Variants in WDR72 observed in about 807,000 individuals in gnomAD.
WDR72 encodes the protein WD repeat domain 72.
In WDR72, 120 loss-of-function variants were observed where a neutral mutation model predicts 124.2. The observed-to-expected ratio is 0.97, with a 90% CI of 0.83 to 1.12. WDR72 has a LOEUF of 1.12. WDR72 is among the 50% of genes most tolerant of loss of function. The probability of loss-of-function intolerance (pLI) is 0.00; values close to 1 mark genes in which losing one functional copy is unlikely to be tolerated. For synonymous variants in WDR72, 452 were observed against 441.7 expected (o/e 1.02, Z -0.29); for missense variants, 1,387 against 1,278.8 (o/e 1.08, Z -1.29).
At position 53,714,478 on chromosome 15, in the gene WDR72, C is replaced by T; in HGVS notation, c.547G>A (p.Glu183Lys). The stretch of plus-strand genomic sequence containing the variant: ...GAGGAAAGATCCCATACTTTGAGCT[C>T]ACCAGCTACTGATACCACCAAGAGA... ...DSLLVVSVAG[E>K]LKVWDLSSSI... is the part of the protein sequence containing the mutation. The change falls in exon 6 of 20, where the codon GAG becomes AAG. Residue 183 changes from glutamate (E) to lysine (K), a missense_variant. Glu to Lys is a moderately conservative substitution (Grantham distance 56, BLOSUM62 1). Transcript: ENST00000360509. 2 of 1,613,728 alleles carry T rather than the reference C, an allele frequency of 1.2e-6. No homozygotes were observed. Among genetic ancestry groups the T allele is most frequent in the Non-Finnish European group, 1.7e-6 (2 of 1,179,860 alleles).
chr15:53,730,070 T>C (rs887125509), intron 2 of WDR72, among the ~76,000 whole-genome samples: 1 of 152,140 alleles, frequency 6.6e-6, no homozygotes, highest in Admixed American at 6.5e-5. Context: ...TGTGCACCCA[T>C]GTGTATAGCA....
At chr15:53,588,955 A>C (rs940466240) in intron 18 of WDR72, among the ~76,000 whole-genome samples, 2 of 151,820 alleles carry the variant, frequency 1.3e-5, no homozygotes, top group Non-Finnish European at 2.9e-5. Context: ...AGAAGTCCAT[A>C]GGGAGGTGAT....
chr15:53,572,546 C>T (rs545614846), intron 18 of WDR72, among the ~76,000 whole-genome samples: 20 of 152,008 alleles, frequency 1.3e-4, no homozygotes, highest in Non-Finnish European at 2.6e-4. Flanking sequence ...AGAACTGACT[C>T]GAAAAGCACA....
At chr15:53,523,554 C>T (rs1267343848) in intron 18 of WDR72, among the ~76,000 whole-genome samples, 3 of 151,986 alleles carry the variant, frequency 2.0e-5, no homozygotes, top group Admixed American at 6.6e-5. Context: ...AATAAGTTCA[C>T]GGCATCAGCT....
chr15:53,557,160 G>A (rs1893961234), intron 18 of WDR72, among the ~76,000 whole-genome samples: 1 of 152,044 alleles, frequency 6.6e-6, no homozygotes, highest in Non-Finnish European at 1.5e-5. Context: ...AAAGCTTGGA[G>A]GCCAACCAGC....
At position 53,514,333 on chromosome 15, in the gene WDR72, T is replaced by A. The variant is rs1433766258; in HGVS notation, c.*3366A>T. ...TTTAAAAAATTGAATGAGTCCACTCTGTGAAAATAAGGCTTTAAAATCAGT... is the reference window on the plus strand; with the variant it reads ...TTTAAAAAATTGAATGAGTCCACTCAGTGAAAATAAGGCTTTAAAATCAGT... On this transcript the variant is annotated 3_prime_UTR_variant, in exon 20 of 20. Coordinates refer to ENST00000360509, the MANE Select transcript of WDR72 (RefSeq NM_182758.4). The A allele has an allele frequency of 6.6e-6, 1 of 152,180 alleles. No homozygotes were observed. The highest frequency in any genetic ancestry group is 1.5e-5 in the Non-Finnish European group (1 of 68,040). The allele number at this position is 152,180 out of a possible 1,614,324, so 9.4% of individuals were successfully genotyped here.
At chr15:53,761,095 A>G (rs560567655), upstream of WDR72, among the ~76,000 whole-genome samples, 3 of 152,230 alleles carry the variant, frequency 2.0e-5, no homozygotes, top group East Asian at 5.8e-4. Context: ...CTGCACTCCA[A>G]CCTGGGTGTC....
At chr15:53,581,683 G>A (rs951633368) in intron 18 of WDR72, among the ~76,000 whole-genome samples, 4 of 151,852 alleles carry the variant, frequency 2.6e-5, no homozygotes, top group Non-Finnish European at 5.9e-5. Context: ...AACTCACTTC[G>A]CAGAGCAGAA....
intron 1 of WDR72, among the ~76,000 whole-genome samples, chr15:53,746,565 A>G (rs900761236): frequency 6.6e-6 from 1 of 152,194 alleles, no homozygotes; most frequent in African/African-American, 2.4e-5. Flanking sequence ...TGAATCTCAG[A>G]TCTGCCACTT....
At chr15:53,726,287 C>T (rs58881472) in intron 2 of WDR72, among the ~76,000 whole-genome samples, 12,450 of 50,418 alleles carry the variant, frequency 0.25, 1,149 homozygotes, top group African/African-American at 0.47. Context: ...TATATATATA[C>T]ACACACACAC....
intron 14 of WDR72, among the ~76,000 whole-genome samples, chr15:53,617,929 C>A (rs1173663683): frequency 6.6e-6 from 1 of 151,884 alleles, no homozygotes; most frequent in East Asian, 1.9e-4. Context: ...GGTATAGTTT[C>A]TGGGGTGCTC....
At chr15:53,549,758 C>T (rs1388229853) in intron 18 of WDR72, among the ~76,000 whole-genome samples, 1 of 152,100 alleles carries the variant, frequency 6.6e-6, no homozygotes, top group African/African-American at 2.4e-5. Flanking sequence ...AAAATGAAGT[C>T]TTACTCTTAG....
chr15:53,647,235 G>A (rs552752478), intron 14 of WDR72, among the ~76,000 whole-genome samples: 1 of 151,946 alleles, frequency 6.6e-6, no homozygotes, highest in South Asian at 2.1e-4. Context: ...AATTATAGAA[G>A]AAACTAAAGG....
At chr15:53,754,378 A>G (rs1253868762) in intron 1 of WDR72, among the ~76,000 whole-genome samples, 1 of 152,128 alleles carries the variant, frequency 6.6e-6, no homozygotes, top group Non-Finnish European at 1.5e-5. Flanking sequence ...GGGAGACACG[A>G]AAGGGCTTGC....
At chr15:53,614,582 A>G (rs953217795) in intron 15 of WDR72, among the ~76,000 whole-genome samples, 2 of 152,090 alleles carry the variant, frequency 1.3e-5, no homozygotes, top group East Asian at 3.9e-4. Flanking sequence ...AAGCTTCCCT[A>G]AAGTGCACCA....
intron 18 of WDR72, among the ~76,000 whole-genome samples, chr15:53,575,028 C>G (rs1179689625): frequency 6.6e-6 from 1 of 151,700 alleles, no homozygotes; most frequent in East Asian, 1.9e-4. Flanking sequence ...CACACACACA[C>G]ACACACACAC....
At chr15:53,539,608 G>A (rs572944773) in intron 18 of WDR72, among the ~76,000 whole-genome samples, 1 of 151,420 alleles carries the variant, frequency 6.6e-6, no homozygotes, top group South Asian at 2.1e-4. Flanking sequence ...GAGAAGAAAG[G>A]TAATACGTAA....
chr15:53,529,188 A>G (rs997547175), intron 18 of WDR72, among the ~76,000 whole-genome samples: 3 of 133,692 alleles, frequency 2.2e-5, no homozygotes, highest in African/African-American at 9.6e-5. Flanking sequence ...TTTTAAAAGA[A>G]TATAAAAAAT....
At chr15:53,725,667 A>T (rs1319797139) in intron 2 of WDR72, among the ~76,000 whole-genome samples, 3 of 152,202 alleles carry the variant, frequency 2.0e-5, no homozygotes, top group Admixed American at 2.0e-4. Flanking sequence ...CGGAAAAACC[A>T]CTGATGTGTA....
Sources: allele counts gnomAD v4.1 joint callset (sites outside exome capture counted in the v4.1 genomes callset), GRCh38; gene constraint gnomAD v4.1.1; transcripts MANE v1.5; gene names NCBI Gene and HGNC (gene_info 2026-07-23, HGNC 2026-07-21).